SAFB2: variants seen among roughly 807,000 people sequenced by gnomAD.
SAFB2 encodes the protein scaffold attachment factor B2.
SAFB2 carries 32 observed loss-of-function variants against 100.6 expected under a neutral mutation model. That is an observed-to-expected ratio of 0.32 (90% CI 0.24 to 0.43). SAFB2 has a LOEUF of 0.43. Ranked by LOEUF, SAFB2 falls within the 20% of genes least tolerant of loss-of-function variation. SAFB2 has a pLI of 1.00. For missense variants in SAFB2, 1,185 were observed against 1,163.4 expected (o/e 1.02, Z -0.27); for synonymous variants, 500 against 439.4 (o/e 1.14, Z -1.72).
At chr19:5,621,072 G>A (rs903173726) in intron 2 of SAFB2, among the ~76,000 whole-genome samples, 1 of 152,194 alleles carries the variant, frequency 6.6e-6, no homozygotes, top group Non-Finnish European at 1.5e-5. Flanking sequence ...CCCAATGGCA[G>A]AAGCTGAAAC....
chr19:5,599,985 CAG>C, intron 12 of SAFB2, 143 bp downstream of exon 12: 1 of 829,538 alleles, frequency 1.2e-6, no homozygotes, highest in South Asian at 1.8e-5. Flanking sequence ...ATTTCATCAA[CAG>C]ACTCTTGTTT....
chr19:5,593,823 TCTG>T, intron 15 of SAFB2, 65 bp downstream of exon 15: 2 of 1,370,878 alleles, frequency 1.5e-6, no homozygotes, highest in African/African-American at 1.5e-5. Context: ...AAGCCGCTGT[TCTG>T]CTGGAAGGGT....
In SAFB2 at chr19:5,600,257, A is replaced by G. The variant is rs754800823; in HGVS notation, c.1563T>C (p.Thr521=). 2 of 1,611,604 alleles carry G rather than the reference A, an allele frequency of 1.2e-6. No individual in the cohort carries two copies. Among genetic ancestry groups the G allele is most frequent in the Non-Finnish European group, 1.7e-6 (2 of 1,179,340 alleles). The part of the protein sequence containing the change: ...HHSVEIKIEK[T]VIKKEEKIEK... The stretch of plus-strand genomic sequence containing the variant: ...CAATCTTCTCTTCCTTCTTAATTAC[A>G]GTTCTATTTAAAGACATGGTTATCA... The change falls in exon 12 of 21, where the codon ACT becomes ACC. Residue 521 remains threonine (T), a synonymous_variant. Coordinates refer to ENST00000252542, the MANE Select transcript of SAFB2 (RefSeq NM_014649.3).
At chr19:5,588,250 A>G (rs1032651492) in intron 18 of SAFB2, among the ~76,000 whole-genome samples, 14 of 152,058 alleles carry the variant, frequency 9.2e-5, no homozygotes, top group Non-Finnish European at 1.9e-4. Context: ...GAATCACACA[A>G]TAACACACAC....
intron 8 of SAFB2, 200 bp downstream of exon 8, chr19:5,610,439 G>A (rs2052884219): frequency 6.5e-6 from 4 of 610,998 alleles, no homozygotes; most frequent in Admixed American, 6.4e-5. Flanking sequence ...CCATCCCATA[G>A]ATGACAACCA....
At position 5,622,741 on chromosome 19, in the gene SAFB2, A is replaced by T. The variant is rs770900437; in HGVS notation, c.-26T>A. On this transcript the variant is annotated 5_prime_UTR_variant, in exon 1 of 21. Coordinates refer to ENST00000252542, the MANE Select transcript of SAFB2 (RefSeq NM_014649.3). Reference sequence around the variant, plus strand: ...CGTCGCGTTCCCGTCTTCGCCACCGACTCAGTCGCACACCGCCGGCAGCTA... The same window carrying T: ...CGTCGCGTTCCCGTCTTCGCCACCGTCTCAGTCGCACACCGCCGGCAGCTA... 4 of 1,580,512 alleles carry T rather than the reference A, an allele frequency of 2.5e-6. No individual in the cohort carries two copies. In the South Asian group the frequency reaches 4.5e-5, roughly 18 times the overall value.
At chr19:5,617,275 T>A (rs1383897432) in intron 2 of SAFB2, among the ~76,000 whole-genome samples, 1 of 152,124 alleles carries the variant, frequency 6.6e-6, no homozygotes, top group South Asian at 2.1e-4. Context: ...AGAACTTTTT[T>A]TTTTCCCCCA....
At position 5,615,045 on chromosome 19, in the gene SAFB2, T is replaced by C. The variant is rs796589346; in HGVS notation, c.543+1087A>G. Among the ~76,000 whole-genome samples, 6 of 151,976 alleles carry C rather than the reference T, an allele frequency of 3.9e-5. 1 individual carries two copies. Among genetic ancestry groups the C allele is most frequent in the African/African-American group, 1.4e-4 (6 of 41,456 alleles). On this transcript the variant is annotated intron_variant, in intron 4 of 20. Transcript: ENST00000252542. The stretch of plus-strand genomic sequence containing the variant: ...AGCCAACATGATGAAACCCTATCTC[T>C]ACCAAAAATATAAAAAATTAGTCAA...
intron 13 of SAFB2, among the ~76,000 whole-genome samples, chr19:5,597,802 C>G (rs1201397140): frequency 6.6e-6 from 1 of 152,190 alleles, no homozygotes; most frequent in Admixed American, 6.5e-5. Context: ...ACATTAGGAA[C>G]TGATACTTTA....
rs776866628 is a variant in SAFB2 at position 5,613,476 on chromosome 19, T to C, written c.595A>G (p.Lys199Glu). The change falls in exon 5 of 21, where the codon AAA becomes GAA. Residue 199 changes from lysine to glutamate, a missense_variant. Around this residue, in one of 3 missense-constraint regions of SAFB2, gnomAD observed 351 missense variants for 341.2 expected, o/e 1.03. Coordinates refer to ENST00000252542, the MANE Select transcript of SAFB2 (RefSeq NM_014649.3). Reference sequence around the variant, plus strand: ...AGATGGTAACTTACCGGAGTTACTTTGAAGTTCAACGATGAAGTTTCCAAA... The same window carrying C: ...AGATGGTAACTTACCGGAGTTACTTCGAAGTTCAACGATGAAGTTTCCAAA... ...NTLETSSLNF[K>E]VTPDIEESLL... 2 of 1,613,532 alleles carry C rather than the reference T, an allele frequency of 1.2e-6. No individual in the cohort carries two copies. The highest frequency in any genetic ancestry group is 1.7e-6 in the Non-Finnish European group (2 of 1,179,748).
chr19:5,592,845 C>A lies in SAFB2; in HGVS notation c.2250G>T (p.Met750Ile). 1 of 1,614,226 alleles carries A rather than the reference C, an allele frequency of 6.2e-7. No homozygotes were observed. The highest frequency in any genetic ancestry group is 8.5e-7 in the Non-Finnish European group (1 of 1,180,048). Residue 750 changes from methionine (M) to isoleucine (I), a missense_variant, in exon 16 of 21, where the codon ATG (methionine) becomes ATT (isoleucine). Around this residue, in one of 3 missense-constraint regions of SAFB2, gnomAD observed 740 missense variants for 687.1 expected, o/e 1.08. Transcript: ENST00000252542. ...GAAAGTCTGCACGATATCGGTCCTCCATTGCCACACGCTTTCCTTCTGGCC... is the reference window on the plus strand; with the variant it reads ...GAAAGTCTGCACGATATCGGTCCTCAATTGCCACACGCTTTCCTTCTGGCC... ...AYWPEGKRVA[M>I]EDRYRADFPR...
intron 12 of SAFB2, 83 bp downstream of exon 12, chr19:5,600,047 C>T: frequency 1.4e-6 from 2 of 1,416,640 alleles, no homozygotes; most frequent in South Asian, 1.3e-5. Flanking sequence ...CCAGAGCTTG[C>T]TGTCCTCACC....
rs2052874359 is a variant in SAFB2, at chr19:5,610,067, G to A, written c.1224C>T (p.Asn408=). 5 of 1,614,032 alleles carry A rather than the reference G, an allele frequency of 3.1e-6. No homozygotes were observed. Among genetic ancestry groups the A allele is most frequent in the Non-Finnish European group, 4.2e-6 (5 of 1,180,030 alleles). ...KGRVGSGSGR[N]LWVSGLSSTT... ...TGGAGGACAGCCCGCTGACCCACAG[G>A]TTCCGACCAGAACCGCTGCCGACCC... is the stretch of plus-strand genomic sequence containing the variant. The change falls in exon 9 of 21, where the codon AAC becomes AAT. Residue 408 remains asparagine (N), a synonymous_variant. Transcript: ENST00000252542.
Position 5,613,350 on chromosome 19 carries a change from C to G in SAFB2, c.606+115G>C, listed in dbSNP as rs1375955480. 6 of 937,610 alleles carry G rather than the reference C, an allele frequency of 6.4e-6. No homozygotes were observed. In the East Asian group the frequency reaches 1.6e-4, roughly 25 times the overall value. 58.1% of individuals were successfully genotyped at this position (937,610 alleles called of 1,614,324 possible). A position where few individuals can be genotyped will look rare whatever the true frequency, so the allele number is the denominator to read the frequency against. On this transcript the variant is annotated intron_variant, in intron 5 of 20. Transcript: ENST00000252542. ...TTCTCTTCTGCTAACCTCTTAACCC[C>G]AGCATCCAGCACAGTATCCAGTCAT...
rs767147165 is a variant in SAFB2, at chr19:5,622,702, A to C, written c.14T>G (p.Leu5Arg). MAETLPGSGDSGPGT... is the reference protein window; with the variant it reads MAETRPGSGDSGPGT... ...AGGGCCCGAGTCGCCCGACCCGGGC[A>C]GAGTCTCCGCCATCGTCGCGTTCCC... Residue 5 changes from leucine to arginine, a missense_variant, in exon 1 of 21, where the codon CTG (leucine) becomes CGG (arginine). This residue lies in a region of SAFB2 where 351 missense variants were observed against 341.2 expected (regional missense o/e 1.03). Transcript: ENST00000252542. 3.7e-6 allele frequency: 6 copies of C among 1,603,756 alleles called. No homozygotes were observed. In the South Asian group the frequency reaches 6.6e-5, roughly 18 times the overall value.
chr19:5,614,924 TAACAGGCTAGGCGTGGTGACTC>T (rs1379807819), intron 4 of SAFB2, among the ~76,000 whole-genome samples: 3 of 152,160 alleles, frequency 2.0e-5, no homozygotes, highest in African/African-American at 7.2e-5. Context: ...AAAACAACAT[TAACAGGCTAGGCGTGGTGACTC>T]ACCACTATAA....
At chr19:5,621,440 G>T in intron 1 of SAFB2, 44 bp from the exon 2 acceptor site, 1 of 1,201,850 alleles carries the variant, frequency 8.3e-7, no homozygotes, top group Non-Finnish European at 1.2e-6. Context: ...AAGAGCTGCA[G>T]GGCACACACT....
At chr19:5,597,901 G>A (rs2052565859) in intron 13 of SAFB2, among the ~76,000 whole-genome samples, 1 of 152,048 alleles carries the variant, frequency 6.6e-6, no homozygotes, top group African/African-American at 2.4e-5. Context: ...AGGCTGAGGC[G>A]GGTGGATCAC....
chr19:5,619,652 C>T (rs2053101194), intron 2 of SAFB2, among the ~76,000 whole-genome samples: 1 of 152,156 alleles, frequency 6.6e-6, no homozygotes, highest in African/African-American at 2.4e-5. Context: ...CCAGCCTGGC[C>T]AACATGGATG....
Sources: gnomAD v4.1 joint callset for allele counts (sites outside exome capture counted in the v4.1 genomes callset) on GRCh38, gnomAD v4.1.1 for gene constraint, gnomAD v4.1.1 regional missense constraint, MANE v1.5 for transcripts, NCBI Gene and HGNC (gene_info 2026-07-23, HGNC 2026-07-21) for gene names.